TLE7: variants seen among roughly 807,000 people sequenced by gnomAD.
TLE7 encodes the protein transducin-like enhancer protein 7.
At chr16:71,430,976 T>C (rs1046857918) in intron 8 of TLE7, 145 bp downstream of exon 8, 2 of 399,184 alleles carry the variant, frequency 5.0e-6, no homozygotes, top group Non-Finnish European at 8.8e-6. Context: ...CTCTTCAGTC[T>C]GCCTGAGTCT....
intron 1 of TLE7, among the ~76,000 whole-genome samples, chr16:71,438,411 C>A (rs1214061833): frequency 9.6e-6 from 1 of 104,580 alleles, no homozygotes; most frequent in Non-Finnish European, 1.8e-5. Flanking sequence ...GGTGACAGAA[C>A]GAGACTCCAT....
chr16:71,436,706 G>C (rs923895147), intron 1 of TLE7, among the ~76,000 whole-genome samples: 2 of 152,214 alleles, frequency 1.3e-5, no homozygotes, highest in Admixed American at 1.3e-4. Context: ...AGCCAACAGT[G>C]GGTGACTGTG....
intron 1 of TLE7, among the ~76,000 whole-genome samples, chr16:71,437,436 AAGGAAGG>A (rs1283623182): frequency 1.2e-4 from 17 of 147,082 alleles, no homozygotes; most frequent in African/African-American, 4.3e-4. Flanking sequence ...AACAAAGAGG[AAGGAAGG>A]AAGAAAGGAA....
Position 71,430,545 on chromosome 16 carries a change from T to C in TLE7, c.1221+123A>G, listed in dbSNP as rs74705864. 20 of 397,610 alleles carry C rather than the reference T, an allele frequency of 5.0e-5. No individual in the cohort carries two copies. In the East Asian group the frequency reaches 6.1e-4, roughly 12 times the overall value. The allele number at this position is 397,610 out of a possible 1,614,324, so 24.6% of individuals were successfully genotyped here. A position where few individuals can be genotyped will look rare whatever the true frequency, so the allele number is the denominator to read the frequency against. On this transcript the variant is annotated intron_variant, in intron 9 of 9. Transcript: ENST00000561754. ...TGTGAAGTCTTCATTTCCCCTACTC[T>C]GTAAAATGGCCCTGGCTGCCATCTC...
Position 71,432,227 on chromosome 16 carries a change from C to T in TLE7, c.492G>A (p.Val164=), listed in dbSNP as rs1305451827. 1 of 400,756 alleles carries T rather than the reference C, an allele frequency of 2.5e-6. No homozygotes were observed. The highest frequency in any genetic ancestry group is 4.4e-6 in the Non-Finnish European group (1 of 226,310). The allele number at this position is 400,756 out of a possible 1,614,324, so 24.8% of individuals were successfully genotyped here. A position where few individuals can be genotyped will look rare whatever the true frequency, so the allele number is the denominator to read the frequency against. ...TLFHGKRVYA[V]AISGSTHHVY... is the part of the protein sequence containing the mutation. ...CGTGGTGGGTTGAGCCGCTGATGGCCACAGCGTAGACTCTCTTTCCATGGA... is the reference window on the plus strand; with the variant it reads ...CGTGGTGGGTTGAGCCGCTGATGGCTACAGCGTAGACTCTCTTTCCATGGA... Residue 164 remains valine (V), a synonymous_variant, in exon 5 of 10, where the codon GTG becomes GTA. Transcript: ENST00000561754.
intron 1 of TLE7, among the ~76,000 whole-genome samples, chr16:71,435,783 A>G (rs2042824035): frequency 6.6e-6 from 1 of 152,342 alleles, no homozygotes; most frequent in Admixed American, 6.5e-5. Context: ...AGTTGTTTAA[A>G]TAATTTAACG....
At chr16:71,436,217 G>A (rs1054288064) in intron 1 of TLE7, among the ~76,000 whole-genome samples, 1 of 152,146 alleles carries the variant, frequency 6.6e-6, no homozygotes, top group Non-Finnish European at 1.5e-5. Flanking sequence ...CTAAGACCCA[G>A]CCAGGCATAA....
rs775498065 is a variant in TLE7, at chr16:71,433,368, T to G, written c.-44A>C. The G allele has an allele frequency of 2.0e-5, 8 of 398,512 alleles. No homozygotes were observed. Among genetic ancestry groups the G allele is most frequent in the Non-Finnish European group, 3.5e-5 (8 of 226,092 alleles). 24.7% of individuals were successfully genotyped at this position (398,512 alleles called of 1,614,324 possible). A position where few individuals can be genotyped will look rare whatever the true frequency, so the allele number is the denominator to read the frequency against. ...TGTCTGGACCACCCGGTTCTAGGAC[T>G]TGACAAATAGACCCGCCAAACAGAC... On this transcript the variant is annotated 5_prime_UTR_variant, in exon 2 of 10. Transcript: ENST00000561754.
Position 71,433,286 on chromosome 16 carries a change from G to A in TLE7, c.39C>T (p.Phe13=), listed in dbSNP as rs9930642. 10,039 of 398,566 alleles carry A rather than the reference G, an allele frequency of 0.025. 818 individuals are homozygous for A. The highest frequency in any genetic ancestry group is 0.18 in the African/African-American group (8,650 of 48,660). The allele number at this position is 398,566 out of a possible 1,614,324, so 24.7% of individuals were successfully genotyped here. ...TCTCCTCTGGCTCACCATAAGCCCC[G>A]AACATTCTGAGCGATGCCTCTTCCT... ...GEKEEASLRM[F]GAYGEPEERR... Residue 13 remains phenylalanine, a synonymous_variant, in exon 2 of 10, where the codon TTC becomes TTT. Coordinates refer to ENST00000561754, the MANE Select transcript of TLE7 (RefSeq NM_001367365.2).
At chr16:71,441,608 G>T (rs34766979) in intron 1 of TLE7, among the ~76,000 whole-genome samples, 1 of 152,184 alleles carries the variant, frequency 6.6e-6, no homozygotes, top group Admixed American at 6.5e-5. Context: ...GCGGGCAGGG[G>T]TGCAGCGAGC....
chr16:71,441,444 G>C (rs1165364303), intron 1 of TLE7, among the ~76,000 whole-genome samples: 2 of 152,234 alleles, frequency 1.3e-5, no homozygotes, highest in Non-Finnish European at 2.9e-5. Context: ...CGGCGTGCGC[G>C]GCCGGGCTTG....
At chr16:71,436,470 T>G (rs1412574878) in intron 1 of TLE7, among the ~76,000 whole-genome samples, 1 of 152,096 alleles carries the variant, frequency 6.6e-6, no homozygotes, top group Non-Finnish European at 1.5e-5. Flanking sequence ...AGCCCTTGAA[T>G]TGGGGGTAGT....
chr16:71,433,305 T>C lies in TLE7; in HGVS notation c.20A>G (p.Glu7Gly). MSGEKE[E>G]ASLRMFGAYG... ...AGCCCCGAACATTCTGAGCGATGCC[T>C]CTTCCTTCTCTCCACTCATGTTCTT... is the stretch of plus-strand genomic sequence containing the variant. Residue 7 changes from glutamate (E) to glycine (G), a missense_variant, in exon 2 of 10, where the codon GAG becomes GGG. Coordinates refer to ENST00000561754, the MANE Select transcript of TLE7 (RefSeq NM_001367365.2). 1 of 398,668 alleles carries C rather than the reference T, an allele frequency of 2.5e-6. No individual in the cohort carries two copies. The highest frequency in any genetic ancestry group is 4.4e-6 in the Non-Finnish European group (1 of 226,106). 24.7% of individuals were successfully genotyped at this position (398,668 alleles called of 1,614,324 possible). A position where few individuals can be genotyped will look rare whatever the true frequency, so the allele number is the denominator to read the frequency against.
intron 1 of TLE7, among the ~76,000 whole-genome samples, chr16:71,437,739 T>TG (rs1216254388): frequency 6.6e-6 from 1 of 152,200 alleles, no homozygotes; most frequent in Non-Finnish European, 1.5e-5. Context: ...CTGAATCTAC[T>TG]GTCTCCTCTC....
chr16:71,440,157 TAG>T (rs1221693505), intron 1 of TLE7, among the ~76,000 whole-genome samples: 1 of 152,198 alleles, frequency 6.6e-6, no homozygotes, highest in Non-Finnish European at 1.5e-5. Context: ...GGCCAGTCCT[TAG>T]AGACAGAAAG....
At chr16:71,434,522 C>T (rs1464286053) in intron 1 of TLE7, among the ~76,000 whole-genome samples, 1 of 152,196 alleles carries the variant, frequency 6.6e-6, no homozygotes, top group African/African-American at 2.4e-5. Flanking sequence ...CTCAAACACC[C>T]ACGAACTCTA....
intron 1 of TLE7, among the ~76,000 whole-genome samples, chr16:71,438,553 C>T (rs955436437): frequency 4.0e-5 from 6 of 150,032 alleles, no homozygotes; most frequent in East Asian, 3.9e-4. Flanking sequence ...TATTGGTGGG[C>T]GGCTGTAATC....
intron 1 of TLE7, among the ~76,000 whole-genome samples, chr16:71,437,106 T>C (rs2042829123): frequency 6.6e-6 from 1 of 151,884 alleles, no homozygotes; most frequent in Admixed American, 6.6e-5. Context: ...CCCAGCACTT[T>C]GGGAAGCCGA....
chr16:71,437,367 A>AT (rs1477558529), intron 1 of TLE7, among the ~76,000 whole-genome samples: 2 of 144,022 alleles, frequency 1.4e-5, no homozygotes, highest in African/African-American at 5.3e-5. Flanking sequence ...AAAAAAAAAA[A>AT]GGAAAAGAAA....
Sources: gnomAD v4.1 joint callset for allele counts (sites outside exome capture counted in the v4.1 genomes callset) on GRCh38, gnomAD v4.1.1 for gene constraint, MANE v1.5 for transcripts, NCBI Gene and HGNC (gene_info 2026-07-23, HGNC 2026-07-21) for gene names.